Variants in KLHDC4 observed in about 807,000 individuals in gnomAD.
KLHDC4 encodes kelch domain containing 4, also known as kelch domain-containing protein 4.
A neutral mutation model predicts 62.4 loss-of-function variants in KLHDC4; 90 were observed. The observed-to-expected ratio is 1.44, with a 90% CI of 1.22 to 1.72. The LOEUF is 1.72. Among genes scored for constraint, KLHDC4 ranks in the 40% most tolerant of loss-of-function variants. KLHDC4 has a pLI of 0.00. For synonymous variants in KLHDC4, 386 were observed against 284.4 expected (o/e 1.36, Z -3.59); for missense variants, 1,025 against 699.7 (o/e 1.47, Z -5.25).
intron 7 of KLHDC4, among the ~76,000 whole-genome samples, chr16:87,721,770 A>C (rs571842835): frequency 6.6e-6 from 1 of 152,198 alleles, no homozygotes; most frequent in Non-Finnish European, 1.5e-5. Context: ...GCGTGCAGAG[A>C]ACAGCCCTCT....
At chr16:87,741,293 G>C (rs920202589) in intron 5 of KLHDC4, among the ~76,000 whole-genome samples, 8 of 152,208 alleles carry the variant, frequency 5.3e-5, no homozygotes, top group African/African-American at 1.9e-4. Flanking sequence ...AGAGGCCCAG[G>C]CGCCCTGCTG....
chr16:87,759,186 C>G (rs763599212), intron 2 of KLHDC4, among the ~76,000 whole-genome samples: 2 of 146,992 alleles, frequency 1.4e-5, no homozygotes, highest in Non-Finnish European at 3.0e-5. Context: ...AAAACCAAAA[C>G]CAAACAAAAA....
rs752809006 is a variant in KLHDC4 at position 87,756,455 on chromosome 16, GA to G, written c.213del (p.His72IlefsTer7). ...PSPRLNASLS[V>X]HPEKDELILF... is the part of the protein sequence containing the mutation. ...AGGATTAACTCATCTTTCTCAGGAT[GA>G]ACCGAGAGGGAGGCATTTAACCTAC... On this transcript the variant is annotated frameshift_variant, in exon 3 of 12. Coordinates refer to ENST00000270583, the MANE Select transcript of KLHDC4 (RefSeq NM_017566.4). LOFTEE classifies it high-confidence loss of function. 2.9e-5 allele frequency: 46 copies of G among 1,613,888 alleles called. No individual in the cohort carries two copies. In the South Asian group the frequency reaches 4.9e-4, roughly 17 times the overall value.
intron 4 of KLHDC4, 86 bp from the exon 5 acceptor site, chr16:87,748,895 A>C (rs1305196684): frequency 6.7e-7 from 1 of 1,502,894 alleles, no homozygotes; most frequent in Non-Finnish European, 9.0e-7. Context: ...TGAGCGCTTC[A>C]GTACTATCTC....
chr16:87,711,904 G>A (rs551204430), intron 8 of KLHDC4, among the ~76,000 whole-genome samples: 52 of 120,188 alleles, frequency 4.3e-4, no homozygotes, highest in African/African-American at 2.2e-3. Context: ...TTCACCCAGG[G>A]GGCTGAATGC....
chr16:87,763,752 G>A (rs1219788933), intron 1 of KLHDC4: 1 of 152,224 alleles, frequency 6.6e-6, no homozygotes, highest in Non-Finnish European at 1.5e-5. Context: ...ACTTAGAGCG[G>A]TCTTTGACCT....
chr16:87,709,977 G>A (rs1054798920), intron 9 of KLHDC4: 5 of 374,592 alleles, frequency 1.3e-5, no homozygotes, highest in African/African-American at 1.0e-4. Flanking sequence ...CCCACACACA[G>A]GGCACCAGCC....
At chr16:87,740,993 A>G (rs937002800) in intron 5 of KLHDC4, 3 of 152,128 alleles carry the variant, frequency 2.0e-5, no homozygotes, top group Non-Finnish European at 2.9e-5. Flanking sequence ...CAGCCCTCCA[A>G]CGAGGCACGG....
At chr16:87,707,798 A>G (rs1424471488), downstream of KLHDC4, 4 of 373,824 alleles carry the variant, frequency 1.1e-5, no homozygotes, top group African/African-American at 8.4e-5. Context: ...CACAGAAGAC[A>G]CCCTCCGCGG....
chr16:87,725,308 G>C (rs1004560081), intron 7 of KLHDC4, among the ~76,000 whole-genome samples: 2 of 152,180 alleles, frequency 1.3e-5, no homozygotes, highest in African/African-American at 4.8e-5. Flanking sequence ...ACCGACTACA[G>C]GCGCCCGCCA....
exon 1 of KLHDC4, chr16:87,701,947 G>A (rs1359688807): frequency 2.2e-6 from 1 of 456,302 alleles, no homozygotes; most frequent in Non-Finnish European, 4.4e-6. Flanking sequence ...GGTAGATGGG[G>A]CTCTGCTCTG....
intron 4 of KLHDC4, among the ~76,000 whole-genome samples, chr16:87,754,047 G>A (rs1235928757): frequency 6.6e-6 from 1 of 151,830 alleles, no homozygotes; most frequent in Admixed American, 6.6e-5. Flanking sequence ...GGCTGAGGCA[G>A]GAGAATCCCT....
intron 11 of KLHDC4, 90 bp from the exon 12 acceptor site, chr16:87,708,165 C>T: frequency 4.8e-6 from 3 of 624,248 alleles, no homozygotes; most frequent in Non-Finnish European, 8.7e-6. Flanking sequence ...ACCGGGTTTT[C>T]AGGGAAGACC....
intron 2 of KLHDC4, 125 bp from the exon 3 acceptor site, chr16:87,756,602 C>T: frequency 1.5e-6 from 1 of 673,318 alleles, no homozygotes; most frequent in South Asian, 1.8e-5. Flanking sequence ...GAAAGGAGAG[C>T]CTGGCATCGA....
At chr16:87,735,920 C>G (rs568002940) in intron 5 of KLHDC4, among the ~76,000 whole-genome samples, 7 of 152,216 alleles carry the variant, frequency 4.6e-5, no homozygotes, top group Non-Finnish European at 1.0e-4. Flanking sequence ...ACAGAAAACT[C>G]TACATGCTTA....
chr16:87,734,300 C>T (rs915441558), intron 5 of KLHDC4, among the ~76,000 whole-genome samples: 4 of 152,048 alleles, frequency 2.6e-5, no homozygotes, highest in Admixed American at 1.3e-4. Context: ...GCCGACACTG[C>T]GCCACTGCAC....
intron 6 of KLHDC4, among the ~76,000 whole-genome samples, chr16:87,730,163 A>G (rs2040090205): frequency 6.6e-6 from 1 of 152,178 alleles, no homozygotes; most frequent in Non-Finnish European, 1.5e-5. Context: ...TATGTTGGCC[A>G]CGCTGGTTTC....
chr16:87,706,491 ACCTGCAGCCTCACT>A (rs987113834), downstream of KLHDC4, among the ~76,000 whole-genome samples: 2 of 152,130 alleles, frequency 1.3e-5, no homozygotes, highest in African/African-American at 4.8e-5. Context: ...GGGGGGCGGC[ACCTGCAGCCTCACT>A]CCTGTCAGCA....
At chr16:87,736,121 T>C (rs1467373493) in intron 5 of KLHDC4, among the ~76,000 whole-genome samples, 1 of 152,218 alleles carries the variant, frequency 6.6e-6, no homozygotes, top group African/African-American at 2.4e-5. Context: ...GTCATTGTGC[T>C]GTCCGAGTGC....
Sources: gnomAD v4.1 joint callset for allele counts (sites outside exome capture counted in the v4.1 genomes callset) on GRCh38, gnomAD v4.1.1 for gene constraint, MANE v1.5 for transcripts, NCBI Gene and HGNC (gene_info 2026-07-23, HGNC 2026-07-21) for gene names.